The following ACACA variants were observed in gnomAD, a reference collection of about 807,000 sequenced individuals.
The protein encoded by ACACA is acetyl-CoA carboxylase 1.
A neutral mutation model predicts 296.1 loss-of-function variants in ACACA; 103 were observed. The observed-to-expected ratio is 0.35, with a 90% CI of 0.30 to 0.41. The LOEUF (loss-of-function observed/expected upper bound fraction) is 0.41, where lower values mean the gene tolerates loss of function less well. ACACA is among the 10% of genes least tolerant of loss of function. ACACA has a pLI of 1.00. For synonymous variants in ACACA, 953 were observed against 1,038.6 expected (o/e 0.92, Z 1.58); for missense variants, 1,554 against 2,989.7 (o/e 0.52, Z 11.20).
At chr17:37,365,552 C>G (rs2049577526) in intron 1 of ACACA, 5 of 985,424 alleles carry the variant, frequency 5.1e-6, no homozygotes, top group Non-Finnish European at 6.0e-6. Flanking sequence ...CAGAATTCAT[C>G]AAGAAAGTCA....
chr17:37,213,348 C>CAAAA (rs11353673), intron 29 of ACACA, among the ~76,000 whole-genome samples: 3 of 78,616 alleles, frequency 3.8e-5, no homozygotes, highest in East Asian at 3.1e-4. Flanking sequence ...AAGTAAGTCT[C>CAAAA]AAAAAAAAAA....
chr17:37,405,688 G>A (rs938519766), intron 1 of ACACA, among the ~76,000 whole-genome samples: 3 of 151,988 alleles, frequency 2.0e-5, no homozygotes, highest in Admixed American at 6.6e-5. Context: ...GAGTAGCTGG[G>A]ATTACAGGTG....
At chr17:37,242,476 T>G (rs556186571) in intron 22 of ACACA, among the ~76,000 whole-genome samples, 1 of 152,168 alleles carries the variant, frequency 6.6e-6, no homozygotes, top group African/African-American at 2.4e-5. Flanking sequence ...ACCTGTAACC[T>G]CAGCACTTTG....
chr17:37,390,334 A>ATATATATATATATATCTAT (rs2050822111), intron 1 of ACACA, among the ~76,000 whole-genome samples: 2 of 93,414 alleles, frequency 2.1e-5, no homozygotes, highest in African/African-American at 9.0e-5. Context: ...ATATATATAT[A>ATATATATATATATATCTAT]AAAGGCCAGC....
At chr17:37,345,571 C>T (rs1023877486) in intron 1 of ACACA, among the ~76,000 whole-genome samples, 2 of 152,088 alleles carry the variant, frequency 1.3e-5, no homozygotes, top group African/African-American at 4.8e-5. Context: ...AAACAAATAA[C>T]TACCTGTAGA....
At chr17:37,210,431 T>G (rs762031807) in intron 30 of ACACA, 36 bp downstream of exon 30, 4 of 1,595,464 alleles carry the variant, frequency 2.5e-6, no homozygotes, top group Non-Finnish European at 3.4e-6. Context: ...TACATAAAGG[T>G]GCTTTTAATT....
intron 1 of ACACA, among the ~76,000 whole-genome samples, chr17:37,402,641 A>G (rs1030488064): frequency 1.3e-5 from 2 of 152,088 alleles, no homozygotes; most frequent in African/African-American, 4.8e-5. Context: ...GAAAGCATAG[A>G]GTATGTATCT....
intron 1 of ACACA, among the ~76,000 whole-genome samples, chr17:37,361,690 G>A (rs1334552576): frequency 6.6e-6 from 1 of 152,172 alleles, no homozygotes; most frequent in Non-Finnish European, 1.5e-5. Context: ...AGCAACCCCT[G>A]AGTGTTACGG....
At chr17:37,189,014 A>T (rs891428055) in intron 38 of ACACA, among the ~76,000 whole-genome samples, 1 of 152,198 alleles carries the variant, frequency 6.6e-6, no homozygotes, top group Non-Finnish European at 1.5e-5. Context: ...GGCAATTTGT[A>T]GGTGGTGCTA....
At position 37,290,576 on chromosome 17, in the gene ACACA, CA is replaced by C. The variant is rs369232656; in HGVS notation, c.339-5607del. Among the ~76,000 whole-genome samples the C allele has an allele frequency of 6.0e-3, 912 of 152,238 alleles. 10 individuals carry two copies. Among genetic ancestry groups the C allele is most frequent in the African/African-American group, 0.021 (877 of 41,532 alleles). The stretch of plus-strand genomic sequence containing the variant: ...TGATCATTCACACAGCCAGAAGTAA[CA>C]AAACAGATCTGAATTCAACCTTTCT... On this transcript the variant is annotated intron_variant, in intron 3 of 55. Transcript: ENST00000616317.
chr17:37,104,528 C>G (rs1391341287), intron 52 of ACACA, among the ~76,000 whole-genome samples: 2 of 152,146 alleles, frequency 1.3e-5, no homozygotes, highest in Middle Eastern at 3.2e-3. Flanking sequence ...GTTTAAGAGC[C>G]CATGCTCCTT....
chr17:37,239,377 T>C (rs1243447374), intron 24 of ACACA, among the ~76,000 whole-genome samples: 2 of 152,234 alleles, frequency 1.3e-5, no homozygotes, highest in East Asian at 3.8e-4. Context: ...CTTGTCTTAC[T>C]GCACTGGCTA....
At chr17:37,357,990 T>C (rs967200034) in intron 1 of ACACA, among the ~76,000 whole-genome samples, 7 of 152,198 alleles carry the variant, frequency 4.6e-5, no homozygotes, top group Non-Finnish European at 8.8e-5. Context: ...CTTCTGAGAC[T>C]GAAGATGTGG....
intron 3 of ACACA, among the ~76,000 whole-genome samples, chr17:37,298,419 G>A (rs190695490): frequency 1.8e-4 from 28 of 152,248 alleles, no homozygotes; most frequent in Admixed American, 1.6e-3. Flanking sequence ...CAGGCACAGT[G>A]GCCTGTAATA....
intron 35 of ACACA, among the ~76,000 whole-genome samples, chr17:37,196,963 A>G (rs1437484882): frequency 6.6e-6 from 1 of 152,204 alleles, no homozygotes. Context: ...CTGTTTAAAT[A>G]TCAAAGTTAG....
At chr17:37,228,633 G>A (rs1233322576) in intron 25 of ACACA, among the ~76,000 whole-genome samples, 2 of 152,234 alleles carry the variant, frequency 1.3e-5, no homozygotes, top group East Asian at 3.9e-4. Context: ...ACAGTAGGTA[G>A]GGAAACCAAC....
intron 3 of ACACA, among the ~76,000 whole-genome samples, chr17:37,327,522 T>A (rs1413190381): frequency 1.3e-5 from 2 of 152,186 alleles, no homozygotes; most frequent in African/African-American, 2.4e-5. Context: ...TGCAAAGAAA[T>A]TCCAGACACT....
chr17:37,385,552 G>A (rs1037788041), intron 1 of ACACA, among the ~76,000 whole-genome samples: 1 of 152,012 alleles, frequency 6.6e-6, no homozygotes, highest in African/African-American at 2.4e-5. Context: ...AGCTCCTCCT[G>A]CTTTCCCCAG....
chr17:37,206,167 T>A (rs536696863), intron 32 of ACACA, among the ~76,000 whole-genome samples: 2 of 152,248 alleles, frequency 1.3e-5, no homozygotes, highest in African/African-American at 4.8e-5. Context: ...TTTTTACCAA[T>A]AAAATGGGGG....
Sources: gnomAD v4.1 joint callset for allele counts (sites outside exome capture counted in the v4.1 genomes callset) on GRCh38, gnomAD v4.1.1 for gene constraint, MANE v1.5 for transcripts, NCBI Gene and HGNC (gene_info 2026-07-23, HGNC 2026-07-21) for gene names.